The following B3GLCT variants were observed in gnomAD, a reference collection of about 807,000 sequenced individuals.
The protein encoded by B3GLCT is beta-1,3-glucosyltransferase.
Under a neutral mutation model 63.4 loss-of-function variants are expected in B3GLCT, and 65 were observed. That is an observed-to-expected ratio of 1.03 (90% CI 0.84 to 1.26). The LOEUF (loss-of-function observed/expected upper bound fraction) is 1.26. Among genes scored for constraint, B3GLCT ranks in the 50% most tolerant of loss-of-function variants. The pLI, the probability that B3GLCT is intolerant of heterozygous loss-of-function variation, is 0.00. For synonymous variants in B3GLCT, 233 were observed against 219.2 expected (o/e 1.06, Z -0.55); for missense variants, 577 against 604.8 (o/e 0.95, Z 0.48).
At chr13:31,314,510 G>A (rs1874889668) in intron 12 of B3GLCT, among the ~76,000 whole-genome samples, 1 of 152,140 alleles carries the variant, frequency 6.6e-6, no homozygotes, top group African/African-American at 2.4e-5. Flanking sequence ...ACTTGAATGG[G>A]GCCTGTGGCC....
At chr13:31,288,206 G>A (rs528203576) in intron 12 of B3GLCT, among the ~76,000 whole-genome samples, 3 of 152,246 alleles carry the variant, frequency 2.0e-5, no homozygotes, top group Admixed American at 1.3e-4. Context: ...ACTTAGGACA[G>A]TACCCACTGC....
At chr13:31,281,035 G>A (rs1351701622) in intron 10 of B3GLCT, among the ~76,000 whole-genome samples, 1 of 152,126 alleles carries the variant, frequency 6.6e-6, no homozygotes, top group East Asian at 1.9e-4. Context: ...GTTTCCCACT[G>A]TGTGACCTGA....
At chr13:31,238,122 A>T (rs750129457) in intron 4 of B3GLCT, among the ~76,000 whole-genome samples, 2 of 152,138 alleles carry the variant, frequency 1.3e-5, no homozygotes, top group African/African-American at 2.4e-5. Context: ...AAGGTGCAAA[A>T]ATTTAATGAC....
chr13:31,253,682 A>G (rs1871567949), intron 6 of B3GLCT, among the ~76,000 whole-genome samples: 1 of 151,676 alleles, frequency 6.6e-6, no homozygotes, highest in Admixed American at 6.6e-5. Context: ...AACTAAGATC[A>G]GAGCAGAACT....
intron 14 of B3GLCT, 124 bp downstream of exon 14, chr13:31,324,019 C>T (rs1875478281): frequency 4.0e-6 from 5 of 1,239,168 alleles, no homozygotes; most frequent in Non-Finnish European, 5.9e-6. Context: ...TGACAGGCTC[C>T]AGGGGAATGT....
At chr13:31,296,208 C>T (rs1873935160) in intron 12 of B3GLCT, among the ~76,000 whole-genome samples, 1 of 152,246 alleles carries the variant, frequency 6.6e-6, no homozygotes, top group Admixed American at 6.5e-5. Flanking sequence ...AATCACCTGC[C>T]TTCTGCATTG....
chr13:31,267,473 G>GA (rs1479727634), intron 7 of B3GLCT, among the ~76,000 whole-genome samples: 1 of 152,242 alleles, frequency 6.6e-6, no homozygotes, highest in Admixed American at 6.5e-5. Flanking sequence ...AATTCAAATT[G>GA]AACAAGATCT....
intron 12 of B3GLCT, among the ~76,000 whole-genome samples, chr13:31,293,661 A>T (rs1274968646): frequency 2.0e-5 from 3 of 152,014 alleles, no homozygotes; most frequent in African/African-American, 7.3e-5. Context: ...TTTCTTGATA[A>T]ATCTTCCTCC....
intron 10 of B3GLCT, among the ~76,000 whole-genome samples, chr13:31,281,209 G>C (rs530348673): frequency 6.6e-6 from 1 of 152,094 alleles, no homozygotes; most frequent in Non-Finnish European, 1.5e-5. Context: ...ATTGCCGTTT[G>C]CTCAGCCTTT....
intron 4 of B3GLCT, among the ~76,000 whole-genome samples, chr13:31,230,255 T>C (rs886989573): frequency 2.6e-5 from 4 of 152,208 alleles, no homozygotes; most frequent in Non-Finnish European, 5.9e-5. Flanking sequence ...GGATCTACCT[T>C]GTGCTGCCCT....
At chr13:31,243,530 A>C (rs961426004) in intron 4 of B3GLCT, among the ~76,000 whole-genome samples, 1 of 152,184 alleles carries the variant, frequency 6.6e-6, no homozygotes, top group African/African-American at 2.4e-5. Flanking sequence ...ATAAATTTTT[A>C]ATGATTTCCC....
chr13:31,284,784 C>T (rs193177521), intron 11 of B3GLCT, 23 bp downstream of exon 11: 1 of 1,216,784 alleles, frequency 8.2e-7, no homozygotes, highest in African/African-American at 1.5e-5. Context: ...TCTTACTACT[C>T]TCCTTATTAA....
chr13:31,288,533 G>A (rs1034504070), intron 12 of B3GLCT, among the ~76,000 whole-genome samples: 5 of 152,090 alleles, frequency 3.3e-5, no homozygotes, highest in African/African-American at 1.2e-4. Context: ...GCCACCACTG[G>A]GGCCCAAAGA....
At chr13:31,213,090 C>A (rs115267780) in intron 1 of B3GLCT, among the ~76,000 whole-genome samples, 6,287 of 152,108 alleles carry the variant, frequency 0.041, 148 homozygotes, top group Non-Finnish European at 0.05. Flanking sequence ...TGCATTAGAT[C>A]CTGGTGAAAA....
chr13:31,276,562 C>G (rs1872794277), intron 9 of B3GLCT, 140 bp from the exon 10 acceptor site: 2 of 680,262 alleles, frequency 2.9e-6, no homozygotes, highest in East Asian at 2.7e-5. Flanking sequence ...TTCCATTTCT[C>G]CCCTAAAACT....
At chr13:31,278,721 G>C (rs1405576147) in intron 10 of B3GLCT, among the ~76,000 whole-genome samples, 3 of 152,228 alleles carry the variant, frequency 2.0e-5, no homozygotes, top group African/African-American at 7.2e-5. Flanking sequence ...CCAGCCATCA[G>C]TTGGCCCAAA....
chr13:31,217,829 G>A (rs1869632026), intron 2 of B3GLCT, among the ~76,000 whole-genome samples: 1 of 152,200 alleles, frequency 6.6e-6, no homozygotes, highest in South Asian at 2.1e-4. Flanking sequence ...TTTGGTTACT[G>A]TAGCCTTGAA....
At chr13:31,205,615 C>T (rs1355854372) in intron 1 of B3GLCT, among the ~76,000 whole-genome samples, 2 of 152,102 alleles carry the variant, frequency 1.3e-5, no homozygotes, top group African/African-American at 2.4e-5. Flanking sequence ...ACCTGAACTC[C>T]TGGCCTCAAG....
At chr13:31,325,224 C>T (rs1028451329) in intron 14 of B3GLCT, among the ~76,000 whole-genome samples, 2 of 152,176 alleles carry the variant, frequency 1.3e-5, no homozygotes, top group Non-Finnish European at 2.9e-5. Context: ...AACCTCCTTC[C>T]TGGTGTCAGT....
Sources: allele counts gnomAD v4.1 joint callset (sites outside exome capture counted in the v4.1 genomes callset), GRCh38; gene constraint gnomAD v4.1.1; transcripts MANE v1.5; gene names NCBI Gene and HGNC (gene_info 2026-07-23, HGNC 2026-07-21).